Variants in KAZN observed in about 807,000 individuals in gnomAD.
KAZN encodes the protein kazrin.
In KAZN, 40 loss-of-function variants were observed where a neutral mutation model predicts 87.4. That is an observed-to-expected ratio of 0.46 (90% CI 0.36 to 0.60). The LOEUF (loss-of-function observed/expected upper bound fraction) is 0.60. KAZN is among the 20% of genes least tolerant of loss of function. The probability of loss-of-function intolerance (pLI) is 0.00; values close to 1 mark genes in which losing one functional copy is unlikely to be tolerated. For synonymous variants in KAZN, 466 were observed against 458.3 expected (o/e 1.02, Z -0.22); for missense variants, 898 against 1,073.9 (o/e 0.84, Z 2.29).
chr1:14,116,885 G>A (rs1260957902), intron 1 of KAZN, among the ~76,000 whole-genome samples: 1 of 152,204 alleles, frequency 6.6e-6, no homozygotes, highest in South Asian at 2.1e-4. Context: ...GGAGTCAAAG[G>A]AGATCATTTT....
intron 1 of KAZN, among the ~76,000 whole-genome samples, chr1:14,895,556 G>A (rs1297881875): frequency 1.3e-5 from 2 of 152,338 alleles, no homozygotes; most frequent in African/African-American, 2.4e-5. Flanking sequence ...AGAAGAGCCA[G>A]GCCATGACCT....
chr1:14,964,486 C>T lies in KAZN; in HGVS notation c.418+3611C>T, dbSNP rs117591061. On this transcript the variant is annotated intron_variant, in intron 2 of 14. Coordinates refer to ENST00000376030, the MANE Select transcript of KAZN (RefSeq NM_201628.3). ...TTCCTGAAAGGCAGTGAGTTGGCAC[C>T]TTCAGCCACCACGAGCATCCTGCCT... Among the ~76,000 whole-genome samples, 177 of 152,248 alleles carry T rather than the reference C, an allele frequency of 1.2e-3. 1 individual carries two copies. In the East Asian group the frequency reaches 0.02, roughly 17 times the overall value.
intron 1 of KAZN, among the ~76,000 whole-genome samples, chr1:14,937,744 A>G (rs1213840604): frequency 6.6e-6 from 1 of 152,254 alleles, no homozygotes; most frequent in Admixed American, 6.5e-5. Flanking sequence ...TGGGTGCTCC[A>G]GACGGCATCT....
At chr1:14,840,663 G>T (rs574726895) in intron 1 of KAZN, among the ~76,000 whole-genome samples, 1 of 152,366 alleles carries the variant, frequency 6.6e-6, no homozygotes, top group Non-Finnish European at 1.5e-5. Context: ...GGCAGAAAGA[G>T]CGTGGTCATT....
At chr1:13,951,276 A>T (rs1333826595) in intron 1 of KAZN, among the ~76,000 whole-genome samples, 1 of 152,182 alleles carries the variant, frequency 6.6e-6, no homozygotes, top group Non-Finnish European at 1.5e-5. Context: ...AGCCTATCCA[A>T]GTTCAAATCC....
chr1:13,939,695 T>C (rs966584516), intron 1 of KAZN, among the ~76,000 whole-genome samples: 26 of 152,194 alleles, frequency 1.7e-4, no homozygotes, highest in Non-Finnish European at 2.4e-4. Context: ...AACAAATACC[T>C]GAGACTGGGT....
intron 1 of KAZN, among the ~76,000 whole-genome samples, chr1:14,009,277 A>T (rs1640176457): frequency 6.6e-6 from 1 of 152,230 alleles, no homozygotes; most frequent in Non-Finnish European, 1.5e-5. Flanking sequence ...CCATATGTAC[A>T]CGTAAGTCTT....
At position 14,281,475 on chromosome 1, in the gene KAZN, C is replaced by A. The variant is rs921025127; in HGVS notation, c.249+100883C>A. Among the ~76,000 whole-genome samples the A allele has an allele frequency of 2.0e-5, 3 of 152,198 alleles. No individual in the cohort carries two copies. The East Asian group carries it at 5.8e-4, about 29-fold the overall frequency. ...AGGTCAAGGGTGCTAGAGACAGATACACCTGCATTATCACTCCAGCTCCCA... is the reference window on the plus strand; with the variant it reads ...AGGTCAAGGGTGCTAGAGACAGATAAACCTGCATTATCACTCCAGCTCCCA... On this transcript the variant is annotated intron_variant, in intron 2 of 16. Coordinates refer to the KAZN transcript ENST00000636203.
At chr1:14,614,698 G>A (rs6668635) in intron 1 of KAZN, among the ~76,000 whole-genome samples, 49,336 of 152,172 alleles carry the variant, frequency 0.32, 8,711 homozygotes, top group African/African-American at 0.47. Context: ...TGACAAGTTT[G>A]GCAGCCACGG....
At chr1:14,858,684 C>G (rs1650463905) in intron 1 of KAZN, among the ~76,000 whole-genome samples, 1 of 152,100 alleles carries the variant, frequency 6.6e-6, no homozygotes, top group Non-Finnish European at 1.5e-5. Context: ...ATTGGCATTG[C>G]TAGAATTGAA....
At chr1:14,280,810 C>A (rs1652791747) in intron 2 of KAZN, among the ~76,000 whole-genome samples, 1 of 152,184 alleles carries the variant, frequency 6.6e-6, no homozygotes, top group African/African-American at 2.4e-5. Context: ...TACATATATG[C>A]CAGGCATTTT....
At chr1:14,163,636 C>G (rs910310132) in intron 1 of KAZN, among the ~76,000 whole-genome samples, 1 of 152,072 alleles carries the variant, frequency 6.6e-6, no homozygotes, top group Non-Finnish European at 1.5e-5. Context: ...GGGAGACTGC[C>G]GTTCCCTAGT....
intron 1 of KAZN, among the ~76,000 whole-genome samples, chr1:13,897,465 C>T (rs548238122): frequency 6.6e-6 from 1 of 152,152 alleles, no homozygotes; most frequent in Non-Finnish European, 1.5e-5. Flanking sequence ...CATCCACACA[C>T]GAGGCCACAC....
In KAZN at chr1:14,503,998, C is replaced by T. The variant is rs149305308; in HGVS notation, c.250-94985C>T. 1.6e-3 allele frequency among the ~76,000 whole-genome samples: 250 copies of T among 152,268 alleles called. 2 individuals are homozygous for T. The highest frequency in any genetic ancestry group is 6.8e-3 in the Middle Eastern group (2 of 294). ...AGGACAAAACATTTAAGGAAGCCCT[C>T]ACTCTCAAGGTTGCACAGGGGTAGG... On this transcript the variant is annotated intron_variant, in intron 2 of 16. Transcript: ENST00000636203.
chr1:14,351,442 C>A (rs953618448), intron 2 of KAZN, among the ~76,000 whole-genome samples: 1 of 152,156 alleles, frequency 6.6e-6, no homozygotes, highest in Non-Finnish European at 1.5e-5. Flanking sequence ...GCAGCACATG[C>A]CTGCTCCTCT....
chr1:14,253,480 T>A (rs1650233591), intron 2 of KAZN, among the ~76,000 whole-genome samples: 1 of 152,222 alleles, frequency 6.6e-6, no homozygotes. Context: ...TATATAATTG[T>A]CCATAGGACT....
chr1:13,919,339 C>T (rs989900636), intron 1 of KAZN, among the ~76,000 whole-genome samples: 1 of 152,214 alleles, frequency 6.6e-6, no homozygotes, highest in African/African-American at 2.4e-5. Flanking sequence ...GCTCCTTTTG[C>T]TCAACCCATT....
chr1:14,901,684 A>G (rs1288190300), intron 1 of KAZN, among the ~76,000 whole-genome samples: 1 of 152,190 alleles, frequency 6.6e-6, no homozygotes, highest in Non-Finnish European at 1.5e-5. Flanking sequence ...AGGATTTGCT[A>G]GCAGATGGGT....
chr1:14,859,205 C>T (rs185204260), intron 1 of KAZN, among the ~76,000 whole-genome samples: 2,280 of 147,640 alleles, frequency 0.015, 89 homozygotes, highest in Admixed American at 0.082. Context: ...AGCGAGACCC[C>T]GTCTCAAAAA....
Sources: allele counts gnomAD v4.1 joint callset (sites outside exome capture counted in the v4.1 genomes callset), GRCh38; gene constraint gnomAD v4.1.1; transcripts MANE v1.5; gene names NCBI Gene and HGNC (gene_info 2026-07-23, HGNC 2026-07-21).